Variants in KIRREL3 observed in about 807,000 individuals in gnomAD.
KIRREL3 encodes the protein kin of IRRE-like protein 3.
KIRREL3 carries 36 observed loss-of-function variants against 89.7 expected under a neutral mutation model. That is an observed-to-expected ratio of 0.40 (90% CI 0.31 to 0.53). KIRREL3 has a LOEUF of 0.53. Among genes scored for constraint, KIRREL3 ranks in the 20% least tolerant of loss-of-function variants. The probability of loss-of-function intolerance (pLI) is 0.49; values close to 1 mark genes in which losing one functional copy is unlikely to be tolerated. For missense variants in KIRREL3, 864 were observed against 1,056.6 expected (o/e 0.82, Z 2.53); for synonymous variants, 445 against 441.4 (o/e 1.01, Z -0.10).
Position 126,981,335 on chromosome 11 carries a change from A to T in KIRREL3, c.55+19120T>A, listed in dbSNP as rs530192391. On this transcript the variant is annotated intron_variant, in intron 1 of 16. Transcript: ENST00000525144. The surrounding 1 kb of genome is among the most constrained non-coding windows in gnomAD (Gnocchi z 4.2). ...TGGCTGCAGTGACCAGTATCAAGTG[A>T]TTTCTTATGAGACCCTGAAGAAGGA... is the stretch of plus-strand genomic sequence containing the variant. Among the ~76,000 whole-genome samples, 2 of 152,296 alleles carry T rather than the reference A, an allele frequency of 1.3e-5. No homozygotes were observed. Among genetic ancestry groups the T allele is most frequent in the East Asian group, 1.9e-4 (1 of 5,188 alleles).
rs1223931295 is a variant in KIRREL3 at position 126,684,168 on chromosome 11, T to C, written c.56-121256A>G. ...CTGGACTCTCCCTGTGCAGGGCTGATGGGAAGGAGGTGTGTGCAATATGGT... is the reference window on the plus strand; with the variant it reads ...CTGGACTCTCCCTGTGCAGGGCTGACGGGAAGGAGGTGTGTGCAATATGGT... On this transcript the variant is annotated intron_variant, in intron 1 of 16. Transcript: ENST00000525144. The surrounding 1 kb of genome is among the most constrained non-coding windows in gnomAD (Gnocchi z 4.2). Among the ~76,000 whole-genome samples the C allele has an allele frequency of 6.6e-6, 1 of 152,104 alleles. No individual in the cohort carries two copies. The highest frequency in any genetic ancestry group is 1.5e-5 in the Non-Finnish European group (1 of 68,016).
At chr11:126,757,803 A>G (rs1949551765) in intron 1 of KIRREL3, among the ~76,000 whole-genome samples, 1 of 152,238 alleles carries the variant, frequency 6.6e-6, no homozygotes, top group African/African-American at 2.4e-5. Flanking sequence ...CCACTAGCTA[A>G]CTAAGGAAAT....
rs1946267462 is a variant in KIRREL3, at chr11:126,677,849, C to G, written c.56-114937G>C. Among the ~76,000 whole-genome samples, 1 of 152,124 alleles carries G rather than the reference C, an allele frequency of 6.6e-6. No homozygotes were observed. The highest frequency in any genetic ancestry group is 1.5e-5 in the Non-Finnish European group (1 of 68,014). ...AGAGGAAGTGGCAGTGGCCTGAGCCCTCAGATACCTGGTGCCCTGGGAATG... is the reference window on the plus strand; with the variant it reads ...AGAGGAAGTGGCAGTGGCCTGAGCCGTCAGATACCTGGTGCCCTGGGAATG... On this transcript the variant is annotated intron_variant, in intron 1 of 16. Coordinates refer to ENST00000525144, the MANE Select transcript of KIRREL3 (RefSeq NM_032531.4). The surrounding 1 kb of genome is among the most constrained non-coding windows in gnomAD (Gnocchi z 5.1).
At position 126,645,803 on chromosome 11, in the gene KIRREL3, C is replaced by A. The variant is rs1490268213; in HGVS notation, c.56-82891G>T. ...ATTTAATTAAATGCCTACATTACTG[C>A]TTCCTCACACACCTTATTTTATTTC... On this transcript the variant is annotated intron_variant, in intron 1 of 16. Transcript: ENST00000525144. The surrounding 1 kb of genome is among the most constrained non-coding windows in gnomAD (Gnocchi z 4.9). Among the ~76,000 whole-genome samples the A allele has an allele frequency of 6.6e-6, 1 of 152,206 alleles. No individual in the cohort carries two copies. Among genetic ancestry groups the A allele is most frequent in the Non-Finnish European group, 1.5e-5 (1 of 68,038 alleles).
chr11:126,440,051 C>T, intron 11 of KIRREL3: 1 of 389,854 alleles, frequency 2.6e-6, no homozygotes. Flanking sequence ...AAGGAGGGCT[C>T]CAGGAGGCAC....
rs912817230 is a variant in KIRREL3, at chr11:126,989,583, C to T, written c.55+10872G>A. ...CTGCACCTTTCCTTCATTCTATTCC[C>T]GCTATCTTAGTTCACGCTGCCTGTG... On this transcript the variant is annotated intron_variant, in intron 1 of 16. Coordinates refer to ENST00000525144, the MANE Select transcript of KIRREL3 (RefSeq NM_032531.4). The surrounding 1 kb of genome is among the most constrained non-coding windows in gnomAD (Gnocchi z 6.2). 2.0e-5 allele frequency among the ~76,000 whole-genome samples: 3 copies of T among 152,308 alleles called. No homozygotes were observed. Among genetic ancestry groups the T allele is most frequent in the South Asian group, 4.1e-4 (2 of 4,830 alleles).
rs1943102941 is a variant in KIRREL3, at chr11:126,610,924, G to C, written c.56-48012C>G. Reference sequence around the variant, plus strand: ...GGCCTTAGCAGTTTGACTCGGGCGGGGGTTTGAAGCTGGAACTTTTCAACA... The same window carrying C: ...GGCCTTAGCAGTTTGACTCGGGCGGCGGTTTGAAGCTGGAACTTTTCAACA... On this transcript the variant is annotated intron_variant, in intron 1 of 16. Coordinates refer to ENST00000525144, the MANE Select transcript of KIRREL3 (RefSeq NM_032531.4). This position sits in a 1 kb window ranked among gnomAD's most constrained non-coding sequence, Gnocchi z 4.6. 6.6e-6 allele frequency: 1 copy of C among 152,176 alleles called. No individual in the cohort carries two copies. Among genetic ancestry groups the C allele is most frequent in the African/African-American group, 2.4e-5 (1 of 41,432 alleles). The allele number at this position is 152,176 out of a possible 1,614,324, so 9.4% of individuals were successfully genotyped here.
Position 126,742,893 on chromosome 11 carries a change from A to G in KIRREL3, c.56-179981T>C, listed in dbSNP as rs1009386947. 4.6e-5 allele frequency among the ~76,000 whole-genome samples: 7 copies of G among 152,358 alleles called. No individual in the cohort carries two copies. The South Asian group carries it at 1.2e-3, about 27-fold the overall frequency. On this transcript the variant is annotated intron_variant, in intron 1 of 16. Transcript: ENST00000525144. The surrounding 1 kb of genome is among the most constrained non-coding windows in gnomAD (Gnocchi z 5.3). ...TTCTGAAGATGATGGATCTGCATTAAGCAAAACCCAATAACCAGGCACTTT... is the reference window on the plus strand; with the variant it reads ...TTCTGAAGATGATGGATCTGCATTAGGCAAAACCCAATAACCAGGCACTTT...
At position 126,734,532 on chromosome 11, in the gene KIRREL3, G is replaced by A. The variant is rs143775170; in HGVS notation, c.56-171620C>T. Among the ~76,000 whole-genome samples, 2,147 of 152,164 alleles carry A rather than the reference G, an allele frequency of 0.014. 46 individuals are homozygous for A. Among genetic ancestry groups the A allele is most frequent in the African/African-American group, 0.045 (1,884 of 41,508 alleles). On this transcript the variant is annotated intron_variant, in intron 1 of 16. Coordinates refer to ENST00000525144, the MANE Select transcript of KIRREL3 (RefSeq NM_032531.4). This position sits in a 1 kb window ranked among gnomAD's most constrained non-coding sequence, Gnocchi z 5.9. ...TACAAAATCAGCTGGGCATGGCAGC[G>A]CGTGCCTGTAATCCCAGCTACTTGG...
At chr11:126,506,726 G>C (rs1269230863) in intron 4 of KIRREL3, among the ~76,000 whole-genome samples, 1 of 152,130 alleles carries the variant, frequency 6.6e-6, no homozygotes, top group African/African-American at 2.4e-5. Context: ...CTCATGAAAA[G>C]TGAAAACATA....
In KIRREL3 at chr11:126,811,078, G is replaced by C. The variant is rs1951370269; in HGVS notation, c.55+189377C>G. Among the ~76,000 whole-genome samples the C allele has an allele frequency of 6.6e-6, 1 of 152,162 alleles. No homozygotes were observed. Among genetic ancestry groups the C allele is most frequent in the South Asian group, 2.1e-4 (1 of 4,830 alleles). ...TCCCTGGCTACACCCATGGGCACCT[G>C]GTGGCCCTGCTGAGGGCCAAATAGG... On this transcript the variant is annotated intron_variant, in intron 1 of 16. Coordinates refer to ENST00000525144, the MANE Select transcript of KIRREL3 (RefSeq NM_032531.4). This position sits in a 1 kb window ranked among gnomAD's most constrained non-coding sequence, Gnocchi z 4.3.
At chr11:126,840,735 G>A (rs1198157987) in intron 1 of KIRREL3, among the ~76,000 whole-genome samples, 1 of 152,196 alleles carries the variant, frequency 6.6e-6, no homozygotes, top group African/African-American at 2.4e-5. Flanking sequence ...GGCTGTCTAT[G>A]CTATTTGCCT....
In KIRREL3 at chr11:127,000,479, C is replaced by T. The variant is rs367632640; in HGVS notation, c.31G>A (p.Val11Ile). ...CCTTGACTGAAGAGGAAGAAGCAGA[C>T]GAAGAGCAGATCGAGCTGGAAGGGT... MKPFQLDLLF[V>I]CFFLFSQELG... Residue 11 changes from valine to isoleucine, a missense_variant, in exon 1 of 17, where the codon GTC (valine) becomes ATC (isoleucine). By Grantham distance (29) the Val-to-Ile change is conservative. Transcript: ENST00000525144. The surrounding 1 kb of genome is among the most constrained non-coding windows in gnomAD (Gnocchi z 7.1). The T allele has an allele frequency of 1.9e-6, 3 of 1,608,318 alleles. No individual in the cohort carries two copies. Among genetic ancestry groups the T allele is most frequent in the East Asian group, 2.2e-5 (1 of 44,630 alleles).
In KIRREL3 at chr11:126,694,988, G is replaced by A. The variant is rs1947030358; in HGVS notation, c.56-132076C>T. Among the ~76,000 whole-genome samples the A allele has an allele frequency of 6.6e-6, 1 of 152,132 alleles. No homozygotes were observed. The highest frequency in any genetic ancestry group is 2.4e-5 in the African/African-American group (1 of 41,428). The stretch of plus-strand genomic sequence containing the variant: ...CAATGCCTAGAATGCTCTATAGCAG[G>A]GGTCAGCAAACTGGCTGAATCGGGC... On this transcript the variant is annotated intron_variant, in intron 1 of 16. Coordinates refer to ENST00000525144, the MANE Select transcript of KIRREL3 (RefSeq NM_032531.4). The surrounding 1 kb of genome is among the most constrained non-coding windows in gnomAD (Gnocchi z 4.4).
rs1943647985 is a variant in KIRREL3, at chr11:126,623,318, G to A, written c.56-60406C>T. On this transcript the variant is annotated intron_variant, in intron 1 of 16. Coordinates refer to ENST00000525144, the MANE Select transcript of KIRREL3 (RefSeq NM_032531.4). This position sits in a 1 kb window ranked among gnomAD's most constrained non-coding sequence, Gnocchi z 4.1. ...GGAAACCAGGCCTGTCCTTGGTGGT[G>A]TATGAGCAGGCCCCTGGGATCGACA... Among the ~76,000 whole-genome samples, 1 of 152,154 alleles carries A rather than the reference G, an allele frequency of 6.6e-6. No individual in the cohort carries two copies. The highest frequency in any genetic ancestry group is 1.9e-4 in the East Asian group (1 of 5,186).
rs1288035958 is a variant in KIRREL3, at chr11:126,684,725, G to A, written c.56-121813C>T. ...TATAGTTATCCTGGTAGGTACTGAA[G>A]CTTGTAAAGGCCACCTAATCACTTT... On this transcript the variant is annotated intron_variant, in intron 1 of 16. Transcript: ENST00000525144. The surrounding 1 kb of genome is among the most constrained non-coding windows in gnomAD (Gnocchi z 4.2). Among the ~76,000 whole-genome samples, 1 of 152,214 alleles carries A rather than the reference G, an allele frequency of 6.6e-6. No homozygotes were observed. Among genetic ancestry groups the A allele is most frequent in the Non-Finnish European group, 1.5e-5 (1 of 68,048 alleles).
chr11:126,463,361 C>A lies in KIRREL3; in HGVS notation c.592-54G>T. 6.4e-7 allele frequency: 1 copy of A among 1,570,646 alleles called. No individual in the cohort carries two copies. The highest frequency in any genetic ancestry group is 8.7e-7 in the Non-Finnish European group (1 of 1,152,504). On this transcript the variant is annotated intron_variant, in intron 5 of 16. Coordinates refer to ENST00000525144, the MANE Select transcript of KIRREL3 (RefSeq NM_032531.4). The surrounding 1 kb of genome is among the most constrained non-coding windows in gnomAD (Gnocchi z 5.9). ...GCTCCATGTCGCTTGGCTGGGGTGG[C>A]CAGCCTGGGTTGGGGGTAAACGAGC...
At chr11:126,949,041 A>G (rs767232484) in intron 1 of KIRREL3, among the ~76,000 whole-genome samples, 1 of 152,208 alleles carries the variant, frequency 6.6e-6, no homozygotes, top group African/African-American at 2.4e-5. Flanking sequence ...TTATTATTCT[A>G]CAACATGATT....
chr11:126,723,107 T>C lies in KIRREL3; in HGVS notation c.56-160195A>G, dbSNP rs181818285. On this transcript the variant is annotated intron_variant, in intron 1 of 16. Transcript: ENST00000525144. This position sits in a 1 kb window ranked among gnomAD's most constrained non-coding sequence, Gnocchi z 4.0. ...ATTTGACACATGTTGGACTCTCCAC[T>C]TGACTGAGATTAAGTGGGTAGGGAC... is the stretch of plus-strand genomic sequence containing the variant. 1.3e-5 allele frequency among the ~76,000 whole-genome samples: 2 copies of C among 152,300 alleles called. No homozygotes were observed. The highest frequency in any genetic ancestry group is 3.9e-4 in the East Asian group (2 of 5,188).
Sources: allele counts gnomAD v4.1 joint callset (sites outside exome capture counted in the v4.1 genomes callset), GRCh38; gene constraint gnomAD v4.1.1; non-coding constraint Gnocchi (gnomAD v3.1); transcripts MANE v1.5; gene names NCBI Gene and HGNC (gene_info 2026-07-23, HGNC 2026-07-21).